The following ADK variants were observed in gnomAD, a reference collection of about 807,000 sequenced individuals.
ADK encodes N6,N6-dimethyladenosine kinase.
A neutral mutation model predicts 44.7 loss-of-function variants in ADK; 24 were observed. The ratio of observed to expected loss-of-function variants is 0.54; its 90% CI spans 0.39 to 0.76. ADK has a LOEUF of 0.76. Among genes scored for constraint, ADK ranks in the 30% least tolerant of loss-of-function variants. ADK has a pLI of 0.00. For missense variants in ADK, 321 were observed against 425.1 expected (o/e 0.76, Z 2.15); for synonymous variants, 128 against 142.6 (o/e 0.90, Z 0.73).
intron 4 of ADK, among the ~76,000 whole-genome samples, chr10:74,386,786 G>A (rs1354056206): frequency 6.6e-6 from 1 of 151,914 alleles, no homozygotes; most frequent in African/African-American, 2.4e-5. Flanking sequence ...CATTGTTTTT[G>A]TTAATATTAT....
intron 3 of ADK, among the ~76,000 whole-genome samples, chr10:74,251,703 A>G (rs1845656813): frequency 6.6e-6 from 1 of 152,112 alleles, no homozygotes; most frequent in Non-Finnish European, 1.5e-5. Context: ...GCTTTTAACC[A>G]CTATATTATT....
At chr10:74,350,780 A>T (rs1414468729) in intron 4 of ADK, among the ~76,000 whole-genome samples, 6 of 152,230 alleles carry the variant, frequency 3.9e-5, no homozygotes, top group Non-Finnish European at 8.8e-5. Context: ...AGAGAATACT[A>T]TAAACACCTC....
rs543189156 is a variant in ADK at position 74,541,794 on chromosome 10, A to ACCC, written c.726+16377_726+16379dup. ...GGTTACAGAACGAGAACCCCCACAC[A>ACCC]CCCCCCCCCCCTAAAAAAAAACAAC... On this transcript the variant is annotated intron_variant, in intron 7 of 10. Coordinates refer to ENST00000539909, the MANE Select transcript of ADK (RefSeq NM_006721.4). 5.8e-3 allele frequency among the ~76,000 whole-genome samples: 369 copies of ACCC among 63,778 alleles called. 23 individuals are homozygous for ACCC. Among genetic ancestry groups the ACCC allele is most frequent in the East Asian group, 0.012 (16 of 1,382 alleles). The allele number at this position is 63,778 out of a possible 152,430, so 41.8% of individuals were successfully genotyped here.
chr10:74,313,807 C>T (rs1227920013), intron 3 of ADK, among the ~76,000 whole-genome samples: 3 of 151,902 alleles, frequency 2.0e-5, no homozygotes, highest in African/African-American at 4.8e-5. Context: ...AAATTCTCTA[C>T]ACCTTTTAAT....
intron 7 of ADK, among the ~76,000 whole-genome samples, chr10:74,537,135 C>T (rs1196574338): frequency 2.0e-5 from 3 of 152,160 alleles, no homozygotes; most frequent in Non-Finnish European, 4.4e-5. Context: ...AAATAATAGC[C>T]ATCCTGCTGG....
chr10:74,436,713 G>A (rs925555825), intron 6 of ADK, among the ~76,000 whole-genome samples: 1 of 152,098 alleles, frequency 6.6e-6, no homozygotes, highest in Non-Finnish European at 1.5e-5. Flanking sequence ...AGTGAAAAGT[G>A]GCCAAAAGAC....
At chr10:74,356,706 G>A (rs994333965) in intron 4 of ADK, among the ~76,000 whole-genome samples, 9 of 152,062 alleles carry the variant, frequency 5.9e-5, no homozygotes, top group Non-Finnish European at 8.8e-5. Flanking sequence ...ACACCTAAAC[G>A]TTACAGTGCT....
intron 7 of ADK, among the ~76,000 whole-genome samples, chr10:74,538,395 A>G (rs944744740): frequency 6.6e-6 from 1 of 152,208 alleles, no homozygotes; most frequent in Non-Finnish European, 1.5e-5. Context: ...AAAATCTCTA[A>G]TATACACCAA....
At chr10:74,520,666 A>T (rs577641720) in intron 6 of ADK, among the ~76,000 whole-genome samples, 1 of 151,766 alleles carries the variant, frequency 6.6e-6, no homozygotes, top group Non-Finnish European at 1.5e-5. Context: ...ACATTCCCTC[A>T]CGTTTAGACT....
chr10:74,466,450 C>T (rs1254335602), intron 6 of ADK, among the ~76,000 whole-genome samples: 1 of 152,134 alleles, frequency 6.6e-6, no homozygotes, highest in Non-Finnish European at 1.5e-5. Context: ...AACATTACAC[C>T]TATAGTCTTA....
chr10:74,217,480 A>G (rs1257006428), intron 2 of ADK, among the ~76,000 whole-genome samples: 1 of 152,192 alleles, frequency 6.6e-6, no homozygotes, highest in Non-Finnish European at 1.5e-5. Flanking sequence ...ACCTCTGCAG[A>G]CTTATATGTC....
At chr10:74,547,950 G>A (rs550224357) in intron 7 of ADK, among the ~76,000 whole-genome samples, 3 of 150,030 alleles carry the variant, frequency 2.0e-5, no homozygotes, top group African/African-American at 4.9e-5. Context: ...GAGCCACCGC[G>A]CCCGGCCTAA....
At position 74,519,740 on chromosome 10, in the gene ADK, T is replaced by A. The variant is rs537811582; in HGVS notation, c.556-5516T>A. 1.6e-4 allele frequency among the ~76,000 whole-genome samples: 25 copies of A among 152,108 alleles called. No individual in the cohort carries two copies. In the South Asian group the frequency reaches 3.5e-3, roughly 21 times the overall value. On this transcript the variant is annotated intron_variant, in intron 6 of 10. Coordinates refer to ENST00000539909, the MANE Select transcript of ADK (RefSeq NM_006721.4). ...ATGTATTTCTCTTTCAATGGAATAC[T>A]TTTTAATGTTATGGTTTATTTATCT...
chr10:74,273,745 A>G (rs997859538), intron 3 of ADK, among the ~76,000 whole-genome samples: 5 of 152,216 alleles, frequency 3.3e-5, no homozygotes, highest in African/African-American at 1.2e-4. Context: ...GGCGTGAGCC[A>G]CTGCGCCCGG....
intron 7 of ADK, among the ~76,000 whole-genome samples, chr10:74,560,535 G>A (rs1469323485): frequency 6.6e-6 from 1 of 152,156 alleles, no homozygotes; most frequent in Non-Finnish European, 1.5e-5. Context: ...AGCTAATTCT[G>A]AATATTGCTG....
At chr10:74,581,743 TCTC>T (rs1419141061) in intron 7 of ADK, among the ~76,000 whole-genome samples, 1 of 151,752 alleles carries the variant, frequency 6.6e-6, no homozygotes, top group Non-Finnish European at 1.5e-5. Context: ...ATAGCAGCAG[TCTC>T]CTCAACAGAA....
chr10:74,417,267 C>T (rs1173902310), intron 6 of ADK, among the ~76,000 whole-genome samples: 1 of 152,042 alleles, frequency 6.6e-6, no homozygotes, highest in Non-Finnish European at 1.5e-5. Context: ...CTTTAATTCC[C>T]TTGTTGTCTT....
At chr10:74,631,145 G>T (rs1430123097) in intron 9 of ADK, among the ~76,000 whole-genome samples, 1 of 151,950 alleles carries the variant, frequency 6.6e-6, no homozygotes, top group African/African-American at 2.4e-5. Flanking sequence ...CATGAAATAG[G>T]AATTTCTCCA....
chr10:74,286,563 G>A (rs1180686117), intron 3 of ADK, among the ~76,000 whole-genome samples: 4 of 152,164 alleles, frequency 2.6e-5, no homozygotes, highest in Admixed American at 6.5e-5. Flanking sequence ...TTTTTTGGCA[G>A]TTTCTGAACT....
Sources: allele counts gnomAD v4.1 joint callset (sites outside exome capture counted in the v4.1 genomes callset), GRCh38; gene constraint gnomAD v4.1.1; transcripts MANE v1.5; gene names NCBI Gene and HGNC (gene_info 2026-07-23, HGNC 2026-07-21).